Variants in TARBP1 observed in about 807,000 individuals in gnomAD.
TARBP1 encodes tRNA guanosine 2 -O-methyltransferase TARBP1, also known as tRNA (guanosine(18)-2'-O)-methyltransferase TARBP1.
A neutral mutation model predicts 178.6 loss-of-function variants in TARBP1; 144 were observed. The ratio of observed to expected loss-of-function variants is 0.81; its 90% CI spans 0.70 to 0.93. TARBP1 has a LOEUF of 0.93. Ranked by LOEUF, TARBP1 falls within the 40% of genes least tolerant of loss-of-function variation. TARBP1 has a pLI of 0.00. For missense variants in TARBP1, 2,067 were observed against 2,011.7 expected (o/e 1.03, Z -0.53); for synonymous variants, 787 against 781.0 (o/e 1.01, Z -0.13).
At position 234,479,177 on chromosome 1, in the gene TARBP1, C is replaced by G; in HGVS notation, c.-74G>C. 1.5e-6 allele frequency: 2 copies of G among 1,308,676 alleles called. No individual in the cohort carries two copies. Among genetic ancestry groups the G allele is most frequent in the Non-Finnish European group, 2.0e-6 (2 of 1,019,306 alleles). The allele number at this position is 1,308,676 out of a possible 1,614,324, so 81.1% of individuals were successfully genotyped here. A position where few individuals can be genotyped will look rare whatever the true frequency, so the allele number is the denominator to read the frequency against. On this transcript the variant is annotated 5_prime_UTR_variant, in exon 1 of 30. Coordinates refer to ENST00000040877, the MANE Select transcript of TARBP1 (RefSeq NM_005646.4). ...GCGTGTGCGATGCGTGCGCACAGGACCGGCCGGCCCCTACGTGCGCGTGCG... is the reference window on the plus strand; with the variant it reads ...GCGTGTGCGATGCGTGCGCACAGGAGCGGCCGGCCCCTACGTGCGCGTGCG...
intron 26 of TARBP1, among the ~76,000 whole-genome samples, chr1:234,394,921 C>T (rs1175107431): frequency 1.3e-5 from 2 of 151,824 alleles, no homozygotes; most frequent in East Asian, 1.9e-4. Flanking sequence ...GAAACCCCGA[C>T]TCTACTAAAA....
rs1382267832 is a variant in TARBP1 at position 234,437,290 on chromosome 1, C to A, written c.2217G>T (p.Met739Ile). 1.9e-6 allele frequency: 3 copies of A among 1,560,116 alleles called. No individual in the cohort carries two copies. The highest frequency in any genetic ancestry group is 2.6e-6 in the Non-Finnish European group (3 of 1,143,828). ...GAATACTTACACTATTTAGCTCATT[C>A]ATAGTAAGTCTTCTGAGAATAAATT... ...ISEFILRRLT[M>I]NELNSVSDLD... is the part of the protein sequence containing the mutation. Residue 739 changes from methionine (M) to isoleucine (I), a missense_variant, in exon 13 of 30, where the codon ATG (methionine) becomes ATT (isoleucine). Transcript: ENST00000040877.
At chr1:234,428,527 A>G (rs768823051) in intron 17 of TARBP1, among the ~76,000 whole-genome samples, 6 of 151,780 alleles carry the variant, frequency 4.0e-5, no homozygotes, top group Non-Finnish European at 7.4e-5. Context: ...CAAGAAATCC[A>G]GTTTTTCATA....
chr1:234,463,358 A>G (rs753814111), intron 6 of TARBP1, among the ~76,000 whole-genome samples: 4 of 152,166 alleles, frequency 2.6e-5, no homozygotes, highest in Admixed American at 2.0e-4. Context: ...TCCTGACCTC[A>G]GGTGATCTGT....
chr1:234,401,163 A>C lies in TARBP1; in HGVS notation c.4071+18T>G, dbSNP rs1156916300. On this transcript the variant is annotated intron_variant, in intron 25 of 29. Transcript: ENST00000040877. ...TAAAGATACAATAGAGAATTTACAA[A>C]TGATATTCTCTACTCACCTCTAGAC... 1 of 1,587,678 alleles carries C rather than the reference A, an allele frequency of 6.3e-7. No homozygotes were observed. The highest frequency in any genetic ancestry group is 1.7e-5 in the Admixed American group (1 of 59,784).
chr1:234,392,472 G>C lies in TARBP1; in HGVS notation c.4641C>G (p.Ala1547=). 1.2e-6 allele frequency: 2 copies of C among 1,614,140 alleles called. No individual in the cohort carries two copies. The highest frequency in any genetic ancestry group is 2.2e-5 in the East Asian group (1 of 44,888). The change falls in exon 29 of 30, where the codon GCC becomes GCG. Residue 1547 remains alanine (A), a synonymous_variant. Transcript: ENST00000040877. ...AATATTGGGTTAGGTCTAAACTTTT[G>C]GCAGTTTGTTCCACTCCAATGATGG... ...GYTIIGVEQT[A]KSLDLTQYCF... is the part of the protein sequence containing the mutation.
At chr1:234,437,394 G>A (rs942382959) in intron 12 of TARBP1, 22 bp from the exon 13 acceptor site, 1 of 1,301,620 alleles carries the variant, frequency 7.7e-7, no homozygotes, top group Non-Finnish European at 1.1e-6. Context: ...CAAAAAGCAT[G>A]CAACTAAAAT....
chr1:234,461,427 C>T (rs1035892821), intron 6 of TARBP1, among the ~76,000 whole-genome samples: 1 of 152,222 alleles, frequency 6.6e-6, no homozygotes, highest in East Asian at 1.9e-4. Flanking sequence ...CCTGCCTCAG[C>T]CTCCTGAGTA....
At position 234,432,410 on chromosome 1, in the gene TARBP1, C is replaced by T. The variant is rs776503905; in HGVS notation, c.2394+1000G>A. On this transcript the variant is annotated intron_variant, in intron 14 of 29. Transcript: ENST00000040877. ...TGAGCCAAGATCACGCCACTGCACT[C>T]GGTCTGGGTGACAGAGCGAGACTCT... Among the ~76,000 whole-genome samples the T allele has an allele frequency of 1.3e-3, 205 of 152,154 alleles. 2 individuals are homozygous for T. The highest frequency in any genetic ancestry group is 2.6e-3 in the Non-Finnish European group (174 of 68,012).
At chr1:234,411,113 C>T (rs111685877) in intron 22 of TARBP1, among the ~76,000 whole-genome samples, 53 of 152,076 alleles carry the variant, frequency 3.5e-4, no homozygotes, top group African/African-American at 1.2e-3. Flanking sequence ...TCTGTATGCA[C>T]GAGTTCTGCA....
At chr1:234,427,525 A>T (rs1399223368) in intron 18 of TARBP1, 51 bp downstream of exon 18, 9 of 1,524,110 alleles carry the variant, frequency 5.9e-6, no homozygotes, top group Non-Finnish European at 8.0e-6. Context: ...TCTATACCCA[A>T]GTAGGCACTT....
chr1:234,401,170 T>C lies in TARBP1; in HGVS notation c.4071+11A>G, dbSNP rs141321075. ...ACAATAGAGAATTTACAAATGATATTCTCTACTCACCTCTAGACAATAATC... is the reference window on the plus strand; with the variant it reads ...ACAATAGAGAATTTACAAATGATATCCTCTACTCACCTCTAGACAATAATC... On this transcript the variant is annotated intron_variant, in intron 25 of 29. Coordinates refer to ENST00000040877, the MANE Select transcript of TARBP1 (RefSeq NM_005646.4). 431 of 1,604,956 alleles carry C rather than the reference T, an allele frequency of 2.7e-4. No individual in the cohort carries two copies. In the Middle Eastern group the frequency reaches 8.9e-3, roughly 33 times the overall value.
intron 4 of TARBP1, among the ~76,000 whole-genome samples, chr1:234,467,219 A>G (rs572598866): frequency 4.7e-4 from 71 of 152,350 alleles, no homozygotes; most frequent in African/African-American, 1.4e-3. Flanking sequence ...CAGTTTTCAT[A>G]TAGTGAAAAC....
intron 26 of TARBP1, among the ~76,000 whole-genome samples, chr1:234,395,255 A>G (rs1317420426): frequency 1.3e-5 from 2 of 152,208 alleles, no homozygotes; most frequent in African/African-American, 4.8e-5. Context: ...ATTATTCCAC[A>G]GTTAAAAACC....
intron 14 of TARBP1, among the ~76,000 whole-genome samples, chr1:234,432,587 AAG>A (rs1664570757): frequency 6.6e-6 from 1 of 152,204 alleles, no homozygotes; most frequent in Non-Finnish European, 1.5e-5. Context: ...TCTAAGAGAA[AAG>A]AGATTCCAGT....
At chr1:234,415,379 T>C (rs912123246) in intron 22 of TARBP1, among the ~76,000 whole-genome samples, 4 of 152,158 alleles carry the variant, frequency 2.6e-5, no homozygotes, top group African/African-American at 9.7e-5. Flanking sequence ...ATTTAGGTAT[T>C]CCTAGGTGGC....
chr1:234,402,991 A>ATTG (rs1660852424), intron 24 of TARBP1, among the ~76,000 whole-genome samples: 1 of 152,098 alleles, frequency 6.6e-6, no homozygotes, highest in Non-Finnish European at 1.5e-5. Context: ...CTTACCTCAA[A>ATTG]GCCTGTCCAT....
intron 22 of TARBP1, among the ~76,000 whole-genome samples, chr1:234,416,116 C>T (rs1362980048): frequency 6.6e-6 from 1 of 152,218 alleles, no homozygotes; most frequent in Non-Finnish European, 1.5e-5. Context: ...TTTGGGGGTA[C>T]ACCAGAACCA....
intron 21 of TARBP1, 116 bp downstream of exon 21, chr1:234,420,586 A>T: frequency 1.7e-6 from 1 of 577,250 alleles, no homozygotes; most frequent in Non-Finnish European, 2.7e-6. Flanking sequence ...GAACTGCAGA[A>T]TAAATTTTAA....
Sources: gnomAD v4.1 joint callset for allele counts (sites outside exome capture counted in the v4.1 genomes callset) on GRCh38, gnomAD v4.1.1 for gene constraint, MANE v1.5 for transcripts, NCBI Gene and HGNC (gene_info 2026-07-23, HGNC 2026-07-21) for gene names.